Variants in AOPEP observed in about 807,000 individuals in gnomAD.
AOPEP encodes the protein aminopeptidase O (putative).
Under a neutral mutation model 98.1 loss-of-function variants are expected in AOPEP, and 77 were observed. The observed-to-expected ratio is 0.78, with a 90% CI of 0.65 to 0.95. AOPEP has a LOEUF of 0.95. Among genes scored for constraint, AOPEP ranks in the 40% least tolerant of loss-of-function variants. The pLI is 0.00. For synonymous variants in AOPEP, 346 were observed against 365.3 expected, an observed-to-expected ratio of 0.95 and a Z score of 0.60; for missense variants, 1,024 against 1,024.7, an observed-to-expected ratio of 1.00 and a Z score of 0.01.
At chr9:94,745,444 T>G (rs1261885800) in intron 1 of AOPEP, among the ~76,000 whole-genome samples, 1 of 151,582 alleles carries the variant, frequency 6.6e-6, no homozygotes, top group Non-Finnish European at 1.5e-5. Flanking sequence ...CCCGGCTAAT[T>G]TTTTGTATTT....
chr9:94,945,757 G>A (rs1352054228), intron 7 of AOPEP, among the ~76,000 whole-genome samples: 1 of 152,080 alleles, frequency 6.6e-6, no homozygotes, highest in African/African-American at 2.4e-5. Flanking sequence ...AACGGGCTTC[G>A]AGCCTCCTCT....
At chr9:95,042,861 C>T (rs531764548) in intron 13 of AOPEP, among the ~76,000 whole-genome samples, 70 of 152,224 alleles carry the variant, frequency 4.6e-4, no homozygotes, top group Admixed American at 9.2e-4. Context: ...TTCCCTTTTG[C>T]CAGGTAATGT....
chr9:95,085,955 A>G, intron 16 of AOPEP: 4 of 1,343,884 alleles, frequency 3.0e-6, no homozygotes, highest in Non-Finnish European at 4.0e-6. Context: ...CTCCTGCGCC[A>G]GCAGACGGTG....
intron 14 of AOPEP, among the ~76,000 whole-genome samples, chr9:95,065,643 T>C (rs2067808178): frequency 6.6e-6 from 1 of 152,166 alleles, no homozygotes; most frequent in Non-Finnish European, 1.5e-5. Context: ...AAGAACACCA[T>C]TGTGGAGTGT....
chr9:95,045,044 G>T (rs1477937217), intron 13 of AOPEP, among the ~76,000 whole-genome samples: 1 of 152,184 alleles, frequency 6.6e-6, no homozygotes, highest in Non-Finnish European at 1.5e-5. Context: ...GCCAGAAAGG[G>T]CGCGCCAAGG....
At chr9:95,087,439 C>T (rs1054519936), downstream of AOPEP, among the ~76,000 whole-genome samples, 3 of 133,342 alleles carry the variant, frequency 2.2e-5, no homozygotes, top group African/African-American at 8.6e-5. Context: ...GCCGAGATTG[C>T]GCCACTGCAC....
intron 14 of AOPEP, among the ~76,000 whole-genome samples, chr9:95,077,713 G>GC (rs1367447976): frequency 1.3e-5 from 2 of 152,156 alleles, no homozygotes; most frequent in African/African-American, 4.8e-5. Flanking sequence ...CGACCTTGAA[G>GC]CCCCTCGGTG....
intron 5 of AOPEP, among the ~76,000 whole-genome samples, chr9:94,846,453 G>C (rs1309153370): frequency 6.6e-6 from 1 of 152,162 alleles, no homozygotes; most frequent in Non-Finnish European, 1.5e-5. Context: ...GGGCAAGAAA[G>C]TTGAGACATC....
chr9:94,910,323 G>A (rs1225151912), intron 5 of AOPEP, among the ~76,000 whole-genome samples: 1 of 152,196 alleles, frequency 6.6e-6, no homozygotes, highest in African/African-American at 2.4e-5. Flanking sequence ...CTCCAGTGCA[G>A]AAGCATCCAG....
intron 5 of AOPEP, among the ~76,000 whole-genome samples, chr9:94,811,631 A>G (rs1367109830): frequency 6.6e-6 from 1 of 152,190 alleles, no homozygotes; most frequent in Admixed American, 6.5e-5. Context: ...CCCAGAGCTC[A>G]GCAGGGTGCA....
intron 2 of AOPEP, among the ~76,000 whole-genome samples, chr9:94,766,279 G>C (rs563910779): frequency 6.6e-6 from 1 of 152,150 alleles, no homozygotes; most frequent in Non-Finnish European, 1.5e-5. Flanking sequence ...CGGCTCACGC[G>C]TGTAATCCCA....
intron 5 of AOPEP, among the ~76,000 whole-genome samples, chr9:94,822,941 C>T (rs182903526): frequency 6.6e-6 from 1 of 151,974 alleles, no homozygotes; most frequent in African/African-American, 2.4e-5. Context: ...GTGGAGCCTG[C>T]AGTCTGAACC....
Position 95,080,255 on chromosome 9 carries a change from C to T in AOPEP, c.2233-439C>T, listed in dbSNP as rs561016352. ...TTCTTTAAAAAGTAAACTTACTGCA[C>T]GGTGGCTGACGCCTGTAATCCCAGC... On this transcript the variant is annotated intron_variant, in intron 14 of 16. Coordinates refer to ENST00000375315, the MANE Select transcript of AOPEP (RefSeq NM_001193329.3). Among the ~76,000 whole-genome samples the T allele has an allele frequency of 7.9e-5, 12 of 152,304 alleles. No individual in the cohort carries two copies. The South Asian group carries it at 8.3e-4, about 11-fold the overall frequency.
intron 13 of AOPEP, among the ~76,000 whole-genome samples, chr9:95,055,676 T>C (rs2066755210): frequency 6.6e-6 from 1 of 152,130 alleles, no homozygotes; most frequent in African/African-American, 2.4e-5. Flanking sequence ...TGAAAGGGGA[T>C]TTGTCAGCCT....
intron 13 of AOPEP, among the ~76,000 whole-genome samples, chr9:95,051,120 C>G (rs1019780557): frequency 7.7e-6 from 1 of 129,350 alleles, no homozygotes; most frequent in Non-Finnish European, 1.6e-5. Context: ...GACGGAGTCT[C>G]GCTCTGTCGC....
intron 5 of AOPEP, among the ~76,000 whole-genome samples, chr9:94,880,910 C>T (rs1040665479): frequency 2.4e-4 from 37 of 152,140 alleles, no homozygotes; most frequent in African/African-American, 8.9e-4. Context: ...AGTATCAACT[C>T]AGGATTATCC....
chr9:95,000,007 A>G (rs2061461542), intron 11 of AOPEP, among the ~76,000 whole-genome samples: 1 of 152,218 alleles, frequency 6.6e-6, no homozygotes, highest in Non-Finnish European at 1.5e-5. Context: ...GGTTCACTGC[A>G]GAACCATAGC....
At chr9:94,925,259 G>A (rs984595978) in intron 6 of AOPEP, among the ~76,000 whole-genome samples, 1 of 152,214 alleles carries the variant, frequency 6.6e-6, no homozygotes, top group African/African-American at 2.4e-5. Context: ...AAAGTGCTGG[G>A]ATTACAGGCG....
chr9:94,774,311 CAAAAAAAAAAAA>C, intron 3 of AOPEP, among the ~76,000 whole-genome samples: 1 of 67,818 alleles, frequency 1.5e-5, no homozygotes, highest in Non-Finnish European at 2.7e-5. Flanking sequence ...GACTCCATCT[CAAAAAAAAAAAA>C]AAAAAAAAAA....
Sources: gnomAD v4.1 joint callset for allele counts (sites outside exome capture counted in the v4.1 genomes callset) on GRCh38, gnomAD v4.1.1 for gene constraint, MANE v1.5 for transcripts, NCBI Gene and HGNC (gene_info 2026-07-23, HGNC 2026-07-21) for gene names.